CADM2: variants seen among roughly 807,000 people sequenced by gnomAD.
CADM2 encodes the protein cell adhesion molecule 2.
Under a neutral mutation model 49.8 loss-of-function variants are expected in CADM2, and 12 were observed. That is an observed-to-expected ratio of 0.24 (90% CI 0.15 to 0.39). The LOEUF (loss-of-function observed/expected upper bound fraction) is 0.39. CADM2 is among the 10% of genes least tolerant of loss of function. The pLI is 1.00. For synonymous variants in CADM2, 214 were observed against 175.4 expected, an observed-to-expected ratio of 1.22 and a Z score of -1.74; for missense variants, 378 against 492.3, an observed-to-expected ratio of 0.77 and a Z score of 2.20.
At chr3:85,421,956 G>A (rs980831806) in intron 1 of CADM2, among the ~76,000 whole-genome samples, 9 of 152,174 alleles carry the variant, frequency 5.9e-5, no homozygotes, top group Admixed American at 4.6e-4. Flanking sequence ...TAGTAAGTTG[G>A]TTTGTACCTT....
intron 1 of CADM2, among the ~76,000 whole-genome samples, chr3:85,511,689 C>T (rs1364285059): frequency 6.6e-6 from 1 of 152,036 alleles, no homozygotes; most frequent in African/African-American, 2.4e-5. Context: ...TTGGAAACAA[C>T]ATTCCATTTG....
chr3:85,021,393 A>G (rs2034503789), intron 1 of CADM2, among the ~76,000 whole-genome samples: 1 of 152,226 alleles, frequency 6.6e-6, no homozygotes, highest in Non-Finnish European at 1.5e-5. Context: ...TGTCACCTTT[A>G]TGAAAGGAAC....
intron 8 of CADM2, chr3:86,013,720 T>C (rs933711265): frequency 2.1e-5 from 33 of 1,597,264 alleles, no homozygotes; most frequent in Non-Finnish European, 2.5e-5. Flanking sequence ...GAGGAATTTA[T>C]AGGTTTTCTG....
intron 1 of CADM2, among the ~76,000 whole-genome samples, chr3:85,529,599 A>G (rs1576728730): frequency 6.6e-6 from 1 of 152,114 alleles, no homozygotes; most frequent in African/African-American, 2.4e-5. Context: ...CTCTTCAACG[A>G]TTACTCATTG....
intron 1 of CADM2, among the ~76,000 whole-genome samples, chr3:85,648,795 A>C (rs79387965): frequency 0.012 from 1,887 of 152,138 alleles, 12 homozygotes; most frequent in Non-Finnish European, 0.02. Flanking sequence ...TGCATTTTTG[A>C]ATTTAGCTTT....
At chr3:86,050,182 G>A (rs1181674734) in intron 8 of CADM2, among the ~76,000 whole-genome samples, 1 of 152,158 alleles carries the variant, frequency 6.6e-6, no homozygotes, top group African/African-American at 2.4e-5. Flanking sequence ...CAAAAGAAAG[G>A]GGCTACAGGC....
At chr3:84,997,738 A>T (rs2033252833) in intron 1 of CADM2, among the ~76,000 whole-genome samples, 1 of 152,062 alleles carries the variant, frequency 6.6e-6, no homozygotes, top group Non-Finnish European at 1.5e-5. Context: ...TCCAAATGGA[A>T]ATATTGAAAT....
At chr3:85,120,699 G>C (rs913374641) in intron 1 of CADM2, among the ~76,000 whole-genome samples, 26 of 152,048 alleles carry the variant, frequency 1.7e-4, no homozygotes, top group African/African-American at 6.0e-4. Context: ...CCAGGGGAGG[G>C]ATAGCCTTAG....
intron 1 of CADM2, among the ~76,000 whole-genome samples, chr3:85,177,657 G>C (rs965755894): frequency 1.3e-5 from 2 of 151,954 alleles, no homozygotes; most frequent in Admixed American, 1.3e-4. Flanking sequence ...TAAAAATAAT[G>C]ACTGTAATTG....
At chr3:85,489,697 A>C (rs9855031) in intron 1 of CADM2, among the ~76,000 whole-genome samples, 26 of 105,566 alleles carry the variant, frequency 2.5e-4, no homozygotes, top group Admixed American at 4.7e-4. Context: ...AAAAAAAAAC[A>C]AAAAAAAGAA....
chr3:85,541,116 T>A (rs60597959), intron 1 of CADM2, among the ~76,000 whole-genome samples: 76,315 of 150,070 alleles, frequency 0.51, 22,393 homozygotes, highest in East Asian at 0.85. Flanking sequence ...ATAATCTAAT[T>A]TTCACATAAT....
At chr3:85,684,383 A>G (rs1048345549) in intron 1 of CADM2, among the ~76,000 whole-genome samples, 3 of 152,098 alleles carry the variant, frequency 2.0e-5, no homozygotes, top group Admixed American at 6.6e-5. Flanking sequence ...CACTGCAGCT[A>G]TACTCCTAAA....
chr3:85,601,067 T>C (rs9866761), intron 1 of CADM2, among the ~76,000 whole-genome samples: 24,578 of 146,734 alleles, frequency 0.17, 2,600 homozygotes, highest in Non-Finnish European at 0.23. Context: ...TATATATATA[T>C]CTGCCTATCT....
At chr3:85,023,396 T>C (rs1327242515) in intron 1 of CADM2, among the ~76,000 whole-genome samples, 1 of 152,102 alleles carries the variant, frequency 6.6e-6, no homozygotes, top group Non-Finnish European at 1.5e-5. Flanking sequence ...CAGGCAATTT[T>C]TCTCTTTTCC....
At chr3:85,813,282 G>T (rs1332683105) in intron 3 of CADM2, among the ~76,000 whole-genome samples, 2 of 152,078 alleles carry the variant, frequency 1.3e-5, no homozygotes, top group Admixed American at 1.3e-4. Flanking sequence ...GTTTTGATTT[G>T]CATTTCTCTA....
chr3:85,150,241 T>C (rs1431274809), intron 1 of CADM2, among the ~76,000 whole-genome samples: 2 of 152,168 alleles, frequency 1.3e-5, no homozygotes, highest in Admixed American at 1.3e-4. Context: ...GTAGTGACCC[T>C]GGAGTTCTAA....
chr3:85,896,599 A>G (rs1715245652), intron 5 of CADM2, among the ~76,000 whole-genome samples: 2 of 152,318 alleles, frequency 1.3e-5, no homozygotes, highest in Admixed American at 1.3e-4. Flanking sequence ...CCAGGATCTA[A>G]TGGTATTGCC....
intron 2 of CADM2, among the ~76,000 whole-genome samples, chr3:85,754,118 T>C (rs1012886129): frequency 2.6e-4 from 40 of 152,168 alleles, no homozygotes; most frequent in Non-Finnish European, 4.0e-4. Flanking sequence ...GAGGTGTTCT[T>C]CCCTTGCCAG....
intron 2 of CADM2, among the ~76,000 whole-genome samples, chr3:85,759,072 C>T (rs1427430661): frequency 2.0e-5 from 3 of 151,972 alleles, no homozygotes; most frequent in Non-Finnish European, 4.4e-5. Flanking sequence ...ATTTACTATA[C>T]AGAGAGGGAA....
Sources: gnomAD v4.1 joint callset for allele counts (sites outside exome capture counted in the v4.1 genomes callset) on GRCh38, gnomAD v4.1.1 for gene constraint, MANE v1.5 for transcripts, NCBI Gene and HGNC (gene_info 2026-07-23, HGNC 2026-07-21) for gene names.